The following ACADL variants were observed in gnomAD, a reference collection of about 807,000 sequenced individuals.
The protein encoded by ACADL is long-chain specific acyl-CoA dehydrogenase, mitochondrial.
ACADL carries 60 observed loss-of-function variants against 56.9 expected under a neutral mutation model. The ratio of observed to expected loss-of-function variants is 1.05; its 90% CI spans 0.86 to 1.31. ACADL has a LOEUF of 1.31. Among genes scored for constraint, ACADL ranks in the 50% most tolerant of loss-of-function variants. The pLI is 0.00. For missense variants in ACADL, 484 were observed against 525.5 expected (o/e 0.92, Z 0.77); for synonymous variants, 158 against 179.7 (o/e 0.88, Z 0.97).
chr2:210,204,978 G>A (rs1688859718), intron 6 of ACADL, among the ~76,000 whole-genome samples: 1 of 152,066 alleles, frequency 6.6e-6, no homozygotes, highest in South Asian at 2.1e-4. Context: ...AGCAAAACAT[G>A]CATTTTTGGT....
rs916127064 is a variant in ACADL at position 210,188,851 on chromosome 2, G to C, written c.*110C>G. On this transcript the variant is annotated 3_prime_UTR_variant, in exon 11 of 11. Coordinates refer to ENST00000233710, the MANE Select transcript of ACADL (RefSeq NM_001608.4). Reference sequence around the variant, plus strand: ...TATTTTATTTCCTTCTCTATAGAGAGAGCAGGTAAAAACATGTTTAGTGTT... The same window carrying C: ...TATTTTATTTCCTTCTCTATAGAGACAGCAGGTAAAAACATGTTTAGTGTT... 6 of 787,314 alleles carry C rather than the reference G, an allele frequency of 7.6e-6. No homozygotes were observed. The highest frequency in any genetic ancestry group is 1.1e-5 in the Non-Finnish European group (5 of 438,684). 48.8% of individuals were successfully genotyped at this position (787,314 alleles called of 1,614,324 possible).
chr2:210,205,218 G>T (rs1428762221), intron 6 of ACADL, among the ~76,000 whole-genome samples: 1 of 151,950 alleles, frequency 6.6e-6, no homozygotes, highest in Non-Finnish European at 1.5e-5. Flanking sequence ...TAGAGATGGG[G>T]TTTCACCATA....
At position 210,225,242 on chromosome 2, in the gene ACADL, C is replaced by A; in HGVS notation, c.22G>T (p.Gly8Trp). Residue 8 changes from glycine to tryptophan, a missense_variant, in exon 1 of 11, where the codon GGG (glycine) becomes TGG (tryptophan). By Grantham distance (184) the Gly-to-Trp change is radical. Coordinates refer to ENST00000233710, the MANE Select transcript of ACADL (RefSeq NM_001608.4). ...TGGCCGCCCAGGACGCGTAGGGACC[C>A]TCGGAGAAGGCGTGCGGCCATGTCC... MAARLLR[G>W]SLRVLGGHRA... 1 of 1,557,744 alleles carries A rather than the reference C, an allele frequency of 6.4e-7. No individual in the cohort carries two copies.
intron 9 of ACADL, 47 bp downstream of exon 9, chr2:210,195,164 T>C: frequency 6.2e-7 from 1 of 1,612,872 alleles, no homozygotes; most frequent in Non-Finnish European, 8.5e-7. Context: ...CAGAATTCCA[T>C]ATCAGTCTGA....
chr2:210,189,118 C>T, intron 10 of ACADL, 64 bp from the exon 11 acceptor site: 1 of 1,174,572 alleles, frequency 8.5e-7, no homozygotes, highest in Non-Finnish European at 1.3e-6. Flanking sequence ...TTTTGTCTTA[C>T]CAGGTAACTC....
chr2:210,195,160 T>C, intron 9 of ACADL, 51 bp downstream of exon 9: 1 of 1,612,452 alleles, frequency 6.2e-7, no homozygotes, highest in Non-Finnish European at 8.5e-7. Context: ...TTGGCAGAAT[T>C]CCATATCAGT....
chr2:210,217,987 C>T lies in ACADL; in HGVS notation c.349G>A (p.Ala117Thr), dbSNP rs199970418. The T allele has an allele frequency of 3.0e-4, 485 of 1,613,870 alleles. No individual in the cohort carries two copies. The highest frequency in any genetic ancestry group is 3.6e-4 in the Non-Finnish European group (429 of 1,179,990). ...TACTGCTCCTCCCAGACAATAGCTG[C>T]GGAGTACAGATCCCCTCCAATTCCA... ...LGGIGGDLYSAAIVWEEQAYS... is the reference protein window; with the variant it reads ...LGGIGGDLYSTAIVWEEQAYS... The change falls in exon 3 of 11, where the codon GCA becomes ACA. Residue 117 changes from alanine (A) to threonine (T), a missense_variant. Physicochemically the swap from Ala to Thr is moderately conservative, Grantham distance 58 (BLOSUM62 0). Coordinates refer to ENST00000233710, the MANE Select transcript of ACADL (RefSeq NM_001608.4).
At chr2:210,219,497 G>A (rs191709603) in intron 2 of ACADL, among the ~76,000 whole-genome samples, 1 of 152,072 alleles carries the variant, frequency 6.6e-6, no homozygotes, top group East Asian at 1.9e-4. Context: ...AAACAAACAA[G>A]TCCTCAAAAA....
At chr2:210,200,819 T>C (rs1475859713) in intron 8 of ACADL, among the ~76,000 whole-genome samples, 1 of 151,918 alleles carries the variant, frequency 6.6e-6, no homozygotes, top group African/African-American at 2.4e-5. Context: ...GGTAAAAAGG[T>C]CTCCCATATT....
intron 1 of ACADL, 143 bp from the exon 2 acceptor site, chr2:210,220,945 G>T: frequency 1.5e-6 from 1 of 680,000 alleles, no homozygotes; most frequent in Non-Finnish European, 2.4e-6. Flanking sequence ...ACAAAGCTGG[G>T]TTCAAATTTG....
chr2:210,195,806 G>A (rs1045891506), intron 8 of ACADL, among the ~76,000 whole-genome samples: 2 of 152,050 alleles, frequency 1.3e-5, no homozygotes, highest in African/African-American at 4.8e-5. Flanking sequence ...GGGACAAGGG[G>A]TTTCTATATA....
intron 5 of ACADL, among the ~76,000 whole-genome samples, chr2:210,206,420 G>T (rs1688889015): frequency 6.6e-6 from 1 of 151,998 alleles, no homozygotes; most frequent in Admixed American, 6.6e-5. Context: ...GACAGAGTGA[G>T]ACCCTGTCTC....
rs7585527 is a variant in ACADL at position 210,203,525 on chromosome 2, A to C, written c.871-81T>G. The C allele has an allele frequency of 6.5e-5, 55 of 847,902 alleles. No homozygotes were observed. The African/African-American group carries it at 9.2e-4, about 14-fold the overall frequency. 52.5% of individuals were successfully genotyped at this position (847,902 alleles called of 1,614,324 possible). A position where few individuals can be genotyped will look rare whatever the true frequency, so the allele number is the denominator to read the frequency against. Reference sequence around the variant, plus strand: ...CACAATTTCAATTACGATAAATCCTATAAATTATCTTTATAATAAACTCAT... The same window carrying C: ...CACAATTTCAATTACGATAAATCCTCTAAATTATCTTTATAATAAACTCAT... On this transcript the variant is annotated intron_variant, in intron 7 of 10. Coordinates refer to ENST00000233710, the MANE Select transcript of ACADL (RefSeq NM_001608.4).
intron 8 of ACADL, among the ~76,000 whole-genome samples, chr2:210,203,057 T>G (rs1688821471): frequency 6.6e-6 from 1 of 152,184 alleles, no homozygotes; most frequent in Admixed American, 6.6e-5. Flanking sequence ...CCTTTCTGTT[T>G]ATTCATTCTC....
intron 4 of ACADL, among the ~76,000 whole-genome samples, chr2:210,215,033 T>G (rs1260685894): frequency 6.6e-6 from 1 of 152,102 alleles, no homozygotes; most frequent in Non-Finnish European, 1.5e-5. Context: ...AATCTTACAA[T>G]AAAAAAGGAG....
chr2:210,199,522 T>A (rs1688761816), intron 8 of ACADL, among the ~76,000 whole-genome samples: 1 of 152,156 alleles, frequency 6.6e-6, no homozygotes, highest in Non-Finnish European at 1.5e-5. Flanking sequence ...GAAAACAATA[T>A]GGACCACTTT....
chr2:210,201,969 A>G (rs1688799668), intron 8 of ACADL, among the ~76,000 whole-genome samples: 1 of 152,178 alleles, frequency 6.6e-6, no homozygotes, highest in South Asian at 2.1e-4. Flanking sequence ...CAAAAAGCAG[A>G]AAGTAGTTTA....
At chr2:210,193,568 T>C (rs926840337) in intron 9 of ACADL, among the ~76,000 whole-genome samples, 3 of 152,194 alleles carry the variant, frequency 2.0e-5, no homozygotes, top group Non-Finnish European at 4.4e-5. Context: ...ATCACAATTC[T>C]ATCATTAAAA....
At chr2:210,195,973 T>G (rs1575671788) in intron 8 of ACADL, among the ~76,000 whole-genome samples, 2 of 152,260 alleles carry the variant, frequency 1.3e-5, no homozygotes, top group Middle Eastern at 3.4e-3. Flanking sequence ...TCTGATATGG[T>G]TTGGCTCTGT....
Sources: allele counts gnomAD v4.1 joint callset (sites outside exome capture counted in the v4.1 genomes callset), GRCh38; gene constraint gnomAD v4.1.1; transcripts MANE v1.5; gene names NCBI Gene and HGNC (gene_info 2026-07-23, HGNC 2026-07-21).